Variants in SERP1 observed in about 807,000 individuals in gnomAD.
The protein encoded by SERP1 is stress associated endoplasmic reticulum protein 1, also known as stress-associated endoplasmic reticulum protein 1.
In SERP1, 6 loss-of-function variants were observed where a neutral mutation model predicts 8.8. That is an observed-to-expected ratio of 0.68 (90% CI 0.37 to 1.35). The LOEUF (loss-of-function observed/expected upper bound fraction) is 1.35, where lower values mean the gene tolerates loss of function less well. Among genes scored for constraint, SERP1 ranks in the 40% most tolerant of loss-of-function variants. SERP1 has a pLI of 0.02. For synonymous variants in SERP1, 36 were observed against 28.7 expected, an observed-to-expected ratio of 1.25 and a Z score of -0.81; for missense variants, 52 against 86.2, an observed-to-expected ratio of 0.60 and a Z score of 1.57.
In SERP1 at chr3:150,545,709, C is replaced by A; in HGVS notation, c.154G>T (p.Gly52Cys). The change falls in exon 2 of 3, where the codon GGT (glycine) becomes TGT (cysteine). Residue 52 changes from glycine (G) to cysteine (C), a missense_variant. Coordinates refer to ENST00000239944, the MANE Select transcript of SERP1 (RefSeq NM_014445.4). ...LLALFIFVVC[G>C]SAIFQIIQSI... ...GAGCCCCCAAGCCACTTACCAGAACCACAGACAACAAAAATGAAGAGAGCC... is the reference window on the plus strand; with the variant it reads ...GAGCCCCCAAGCCACTTACCAGAACAACAGACAACAAAAATGAAGAGAGCC... 6.2e-7 allele frequency: 1 copy of A among 1,606,736 alleles called. No homozygotes were observed. Among genetic ancestry groups the A allele is most frequent in the Admixed American group, 1.7e-5 (1 of 59,084 alleles).
At chr3:150,544,832 T>G (rs539922021) in intron 2 of SERP1, among the ~76,000 whole-genome samples, 34 of 152,230 alleles carry the variant, frequency 2.2e-4, no homozygotes, top group Admixed American at 2.2e-3. Context: ...AAGCATCCTT[T>G]TAAGGCCTGG....
At chr3:150,545,965 G>A (rs1722990856) in intron 1 of SERP1, 87 bp downstream of exon 1, 3 of 1,555,224 alleles carry the variant, frequency 1.9e-6, no homozygotes, top group Non-Finnish European at 1.8e-6. Context: ...ACGGTCGGCC[G>A]GATCCGGGAG....
Position 150,545,789 on chromosome 3 carries a change from GA to G in SERP1, c.85-12del. On this transcript the variant is annotated splice_polypyrimidine_tract_variant and intron_variant, in intron 1 of 2. Transcript: ENST00000239944. ...TTCGGGGGCATTTCTCTGCAAAAGC[GA>G]AAATCCACCATTTCAGATGCAGAGA... is the stretch of plus-strand genomic sequence containing the variant. 6.2e-7 allele frequency: 1 copy of G among 1,600,584 alleles called. No individual in the cohort carries two copies. Among genetic ancestry groups the G allele is most frequent in the South Asian group, 1.1e-5 (1 of 89,338 alleles).
intron 1 of SERP1, 126 bp from the exon 2 acceptor site, chr3:150,545,904 C>G: frequency 7.4e-7 from 1 of 1,352,944 alleles, no homozygotes; most frequent in Non-Finnish European, 1.0e-6. Context: ...CGAGCCCCCA[C>G]AGTCTGGCGG....
At chr3:150,545,040 C>T (rs1722948778) in intron 2 of SERP1, among the ~76,000 whole-genome samples, 1 of 152,160 alleles carries the variant, frequency 6.6e-6, no homozygotes, top group African/African-American at 2.4e-5. Context: ...TCAATATTAA[C>T]AGCTTGCATA....
intron 1 of SERP1, 124 bp downstream of exon 1, chr3:150,545,928 G>A: frequency 3.6e-6 from 5 of 1,404,984 alleles, no homozygotes; most frequent in South Asian, 1.3e-5. Flanking sequence ...GCAGACTCGG[G>A]CCCCTACCCC....
intron 2 of SERP1, chr3:150,545,353 T>A: frequency 2.5e-6 from 1 of 399,990 alleles, no homozygotes; most frequent in Non-Finnish European, 4.4e-6. Flanking sequence ...ATAGTACATA[T>A]TTATAATTTT....
At position 150,542,040 on chromosome 3, in the gene SERP1, A is replaced by G. The variant is rs922136129; in HGVS notation, c.*2418T>C. 1 of 152,210 alleles carries G rather than the reference A, an allele frequency of 6.6e-6. No individual in the cohort carries two copies. The highest frequency in any genetic ancestry group is 1.5e-5 in the Non-Finnish European group (1 of 68,042). The allele number at this position is 152,210 out of a possible 1,614,324, so 9.4% of individuals were successfully genotyped here. A position where few individuals can be genotyped will look rare whatever the true frequency, so the allele number is the denominator to read the frequency against. ...TTTAATGTAAGTCAAAGCCCATCAC[A>G]ATGCATCCTGTTACAATGGAAATCT... On this transcript the variant is annotated 3_prime_UTR_variant, in exon 3 of 3. Transcript: ENST00000239944.
In SERP1 at chr3:150,542,137, C is replaced by G. The variant is rs1722886847; in HGVS notation, c.*2321G>C. The G allele has an allele frequency of 6.6e-6, 1 of 152,178 alleles. No homozygotes were observed. The highest frequency in any genetic ancestry group is 1.5e-5 in the Non-Finnish European group (1 of 68,022). The allele number at this position is 152,178 out of a possible 1,614,324, so 9.4% of individuals were successfully genotyped here. A position where few individuals can be genotyped will look rare whatever the true frequency, so the allele number is the denominator to read the frequency against. On this transcript the variant is annotated 3_prime_UTR_variant, in exon 3 of 3. Coordinates refer to ENST00000239944, the MANE Select transcript of SERP1 (RefSeq NM_014445.4). ...CCCAACAGATACAATTAATTGACAA[C>G]TTGTTGAAATGTTAGAGTTAAACCA...
chr3:150,545,894 C>G, intron 1 of SERP1, 116 bp from the exon 2 acceptor site: 1 of 1,352,428 alleles, frequency 7.4e-7, no homozygotes, highest in Non-Finnish European at 1.0e-6. Context: ...CTTCCGTTCC[C>G]GAGCCCCCAC....
At chr3:150,544,586 T>C in intron 2 of SERP1, 88 bp from the exon 3 acceptor site, 1 of 1,071,922 alleles carries the variant, frequency 9.3e-7, no homozygotes, top group Non-Finnish European at 1.4e-6. Context: ...AGCTGAAGAA[T>C]CCAAAGGTAC....
At position 150,542,010 on chromosome 3, in the gene SERP1, A is replaced by G. The variant is rs1195806416; in HGVS notation, c.*2448T>C. On this transcript the variant is annotated 3_prime_UTR_variant, in exon 3 of 3. Coordinates refer to ENST00000239944, the MANE Select transcript of SERP1 (RefSeq NM_014445.4). ...CATGGCCCTGCAGTTGACTATCCAC[A>G]TTTCTTTAATGTAAGTCAAAGCCCA... is the stretch of plus-strand genomic sequence containing the variant. 6.6e-6 allele frequency: 1 copy of G among 152,226 alleles called. No homozygotes were observed. Among genetic ancestry groups the G allele is most frequent in the African/African-American group, 2.4e-5 (1 of 41,464 alleles). 9.4% of individuals were successfully genotyped at this position (152,226 alleles called of 1,614,324 possible). A position where few individuals can be genotyped will look rare whatever the true frequency, so the allele number is the denominator to read the frequency against.
Position 150,545,686 on chromosome 3 carries a change from GC to G in SERP1, c.160+16del. The G allele has an allele frequency of 1.3e-6, 2 of 1,596,318 alleles. No individual in the cohort carries two copies. Among genetic ancestry groups the G allele is most frequent in the South Asian group, 1.1e-5 (1 of 88,652 alleles). ...CAACCCAAGACTCTACCTGATGGGA[GC>G]CCCCAAGCCACTTACCAGAACCACA... On this transcript the variant is annotated intron_variant, in intron 2 of 2. Coordinates refer to ENST00000239944, the MANE Select transcript of SERP1 (RefSeq NM_014445.4).
chr3:150,544,577 G>T, intron 2 of SERP1, 79 bp from the exon 3 acceptor site: 1 of 1,191,390 alleles, frequency 8.4e-7, no homozygotes, highest in Non-Finnish European at 1.2e-6. Flanking sequence ...TATTAAGGTA[G>T]CTGAAGAATC....
rs372759916 is a variant in SERP1, at chr3:150,543,640, C to A, written c.*818G>T. 6.6e-6 allele frequency: 1 copy of A among 152,500 alleles called. No individual in the cohort carries two copies. Among genetic ancestry groups the A allele is most frequent in the Non-Finnish European group, 1.5e-5 (1 of 68,008 alleles). 9.4% of individuals were successfully genotyped at this position (152,500 alleles called of 1,614,324 possible). A position where few individuals can be genotyped will look rare whatever the true frequency, so the allele number is the denominator to read the frequency against. On this transcript the variant is annotated 3_prime_UTR_variant, in exon 3 of 3. Transcript: ENST00000239944. Reference sequence around the variant, plus strand: ...CTAGAATTTTGTTTGGCATAGTAAACCCCTTTGATATATTAAAATAGTTCT... The same window carrying A: ...CTAGAATTTTGTTTGGCATAGTAAAACCCTTTGATATATTAAAATAGTTCT...
Position 150,546,209 on chromosome 3 carries a change from G to A in SERP1, c.-74C>T. 6.5e-7 allele frequency: 1 copy of A among 1,545,404 alleles called. No individual in the cohort carries two copies. The highest frequency in any genetic ancestry group is 8.9e-7 in the Non-Finnish European group (1 of 1,128,352). ...CGCCTGCCTCCTCTGGAGCCGCTGC[G>A]AGGCTCGGCTCGTGGTGCCCGCGCC... is the stretch of plus-strand genomic sequence containing the variant. On this transcript the variant is annotated 5_prime_UTR_variant, in exon 1 of 3. Transcript: ENST00000239944.
chr3:150,545,644 G>C, intron 2 of SERP1, 59 bp downstream of exon 2: 2 of 1,519,886 alleles, frequency 1.3e-6, no homozygotes, highest in African/African-American at 2.7e-5. Flanking sequence ...CGGTCACCAC[G>C]TCATCCCAAA....
Position 150,544,496 on chromosome 3 carries a change from T to C in SERP1, c.163A>G (p.Ile55Val), listed in dbSNP as rs1722937749. 2.5e-6 allele frequency: 4 copies of C among 1,611,584 alleles called. No homozygotes were observed. The highest frequency in any genetic ancestry group is 1.7e-4 in the Middle Eastern group (1 of 6,050). ...CTGATACTTTGAATAATCTGGAAAA[T>C]TGCTGTAAAAAGAAAGAGCAAATAT... ...LFIFVVCGSA[I>V]FQIIQSIRMG... Residue 55 changes from isoleucine (I) to valine (V), a missense_variant and splice_region_variant, in exon 3 of 3, where the codon ATT (isoleucine) becomes GTT (valine). By Grantham distance (29) the Ile-to-Val change is conservative. Transcript: ENST00000239944.
At chr3:150,545,548 C>T (rs941819252) in intron 2 of SERP1, 155 bp downstream of exon 2, 5 of 716,226 alleles carry the variant, frequency 7.0e-6, no homozygotes, top group Non-Finnish European at 1.2e-5. Flanking sequence ...ATATGTGGAA[C>T]AAGTAATTTG....
Sources: allele counts gnomAD v4.1 joint callset (sites outside exome capture counted in the v4.1 genomes callset), GRCh38; gene constraint gnomAD v4.1.1; transcripts MANE v1.5; gene names NCBI Gene and HGNC (gene_info 2026-07-23, HGNC 2026-07-21).